PHLPP1: variants seen among roughly 807,000 people sequenced by gnomAD.
The protein encoded by PHLPP1 is PH domain leucine-rich repeat-containing protein phosphatase 1.
A neutral mutation model predicts 117.2 loss-of-function variants in PHLPP1; 42 were observed. The ratio of observed to expected loss-of-function variants is 0.36; its 90% CI spans 0.28 to 0.46. The LOEUF (loss-of-function observed/expected upper bound fraction) is 0.46, where lower values mean the gene tolerates loss of function less well. PHLPP1 is among the 20% of genes least tolerant of loss of function. The pLI, the probability that PHLPP1 is intolerant of heterozygous loss-of-function variation, is 1.00. For missense variants in PHLPP1, 2,084 were observed against 2,241.9 expected (o/e 0.93, Z 1.42); for synonymous variants, 1,042 against 970.7 (o/e 1.07, Z -1.37).
chr18:62,717,581 A>G (rs1004369758), intron 1 of PHLPP1, among the ~76,000 whole-genome samples: 1 of 152,128 alleles, frequency 6.6e-6, no homozygotes, highest in African/African-American at 2.4e-5. Flanking sequence ...CCTCAGGGGC[A>G]TGTTGGGTTT....
intron 1 of PHLPP1, among the ~76,000 whole-genome samples, chr18:62,815,913 T>C (rs1914258936): frequency 6.6e-6 from 1 of 152,236 alleles, no homozygotes; most frequent in African/African-American, 2.4e-5. Context: ...AATTATGACA[T>C]ACCTGTAGTC....
intron 1 of PHLPP1, among the ~76,000 whole-genome samples, chr18:62,745,525 G>A (rs1013904433): frequency 1.3e-5 from 2 of 152,182 alleles, no homozygotes; most frequent in African/African-American, 4.8e-5. Context: ...GCATTTGTGG[G>A]TGGTGAGAAC....
intron 3 of PHLPP1, among the ~76,000 whole-genome samples, chr18:62,858,068 C>T (rs1024412421): frequency 6.6e-6 from 1 of 152,088 alleles, no homozygotes; most frequent in Non-Finnish European, 1.5e-5. Flanking sequence ...TGGTTTGGCC[C>T]TGTTTGGAAG....
chr18:62,723,690 C>G (rs976300552), intron 1 of PHLPP1, among the ~76,000 whole-genome samples: 3 of 152,090 alleles, frequency 2.0e-5, no homozygotes, highest in Admixed American at 1.3e-4. Flanking sequence ...GGGGTTGGGT[C>G]AAAGTCACTC....
At chr18:62,898,560 A>G (rs1362192660) in intron 6 of PHLPP1, among the ~76,000 whole-genome samples, 1 of 152,150 alleles carries the variant, frequency 6.6e-6, no homozygotes, top group East Asian at 1.9e-4. Context: ...GTTTCAGCCC[A>G]CTGGTATGTG....
intron 4 of PHLPP1, among the ~76,000 whole-genome samples, chr18:62,864,038 T>G (rs1372694248): frequency 6.6e-6 from 1 of 152,164 alleles, no homozygotes; most frequent in Non-Finnish European, 1.5e-5. Flanking sequence ...TTTATTTTTT[T>G]GAGACAGAGT....
chr18:62,923,138 A>G (rs1341597121), intron 10 of PHLPP1, among the ~76,000 whole-genome samples: 7 of 152,166 alleles, frequency 4.6e-5, no homozygotes. Context: ...AAATCCCCAT[A>G]CAAATAGACT....
At position 62,812,140 on chromosome 18, in the gene PHLPP1, A is replaced by T. The variant is rs369828639; in HGVS notation, c.1577-17895A>T. ...TGGCTCTTAATCATTGTCTGAAGTC[A>T]TCTTGGCCGAAGTCTGTTTGCAGCA... On this transcript the variant is annotated intron_variant, in intron 1 of 16. Coordinates refer to ENST00000262719, the MANE Select transcript of PHLPP1 (RefSeq NM_194449.4). Among the ~76,000 whole-genome samples, 15 of 152,298 alleles carry T rather than the reference A, an allele frequency of 9.8e-5. No homozygotes were observed. The East Asian group carries it at 2.9e-3, about 29-fold the overall frequency.
intron 1 of PHLPP1, among the ~76,000 whole-genome samples, chr18:62,743,818 A>G (rs938831051): frequency 2.0e-5 from 3 of 151,776 alleles, no homozygotes; most frequent in Admixed American, 6.6e-5. Flanking sequence ...TTGTTGAAAA[A>G]ACCAGGTTAT....
chr18:62,736,584 A>G (rs1476950088), intron 1 of PHLPP1, among the ~76,000 whole-genome samples: 3 of 152,196 alleles, frequency 2.0e-5, no homozygotes, highest in African/African-American at 4.8e-5. Flanking sequence ...TAATTCAGTG[A>G]TCCTTGAGGA....
At chr18:62,896,361 G>A (rs906074322) in intron 6 of PHLPP1, among the ~76,000 whole-genome samples, 1 of 148,504 alleles carries the variant, frequency 6.7e-6, no homozygotes, top group Non-Finnish European at 1.5e-5. Context: ...GCCTGATCTC[G>A]GCTTACTGCA....
At chr18:62,735,930 C>A (rs1349741852) in intron 1 of PHLPP1, among the ~76,000 whole-genome samples, 1 of 151,114 alleles carries the variant, frequency 6.6e-6, no homozygotes. Context: ...CACATGTACC[C>A]TAAAACTTAA....
chr18:62,903,167 G>GTA lies in PHLPP1; in HGVS notation c.2647+3_2647+4dup. The GTA allele has an allele frequency of 6.3e-7, 1 of 1,599,578 alleles. No homozygotes were observed. Among genetic ancestry groups the GTA allele is most frequent in the Non-Finnish European group, 8.6e-7 (1 of 1,168,310 alleles). On this transcript the variant is annotated splice_donor_variant, in intron 7 of 16. Transcript: ENST00000262719. LOFTEE classifies it high-confidence loss of function. ...AAAGCGCTCTATGCCTCTTCTAATGGTATGTATCATAGGCTACATCAAAGT... is the reference window on the plus strand; with the variant it reads ...AAAGCGCTCTATGCCTCTTCTAATGGTATATGTATCATAGGCTACATCAAAGT...
intron 3 of PHLPP1, among the ~76,000 whole-genome samples, chr18:62,842,076 A>G (rs1019535441): frequency 1.3e-5 from 2 of 152,240 alleles, no homozygotes; most frequent in African/African-American, 4.8e-5. Flanking sequence ...ATATGCATAT[A>G]ATAGATTTAT....
At chr18:62,857,205 G>T (rs1482079115) in intron 3 of PHLPP1, among the ~76,000 whole-genome samples, 1 of 152,154 alleles carries the variant, frequency 6.6e-6, no homozygotes, top group Admixed American at 6.5e-5. Context: ...TAAAACAATA[G>T]AAATTTATGA....
At chr18:62,884,442 TAAAAG>T (rs1054039778) in intron 4 of PHLPP1, among the ~76,000 whole-genome samples, 1 of 152,184 alleles carries the variant, frequency 6.6e-6, no homozygotes, top group African/African-American at 2.4e-5. Context: ...ATCTTTCTCT[TAAAAG>T]AAAATACAGT....
chr18:62,772,623 A>G (rs1306721677), intron 1 of PHLPP1, among the ~76,000 whole-genome samples: 1 of 152,078 alleles, frequency 6.6e-6, no homozygotes, highest in Non-Finnish European at 1.5e-5. Flanking sequence ...TGAGGTCAGG[A>G]GTTCAAGGCC....
intron 3 of PHLPP1, among the ~76,000 whole-genome samples, chr18:62,852,472 T>A (rs1396730983): frequency 6.6e-6 from 1 of 152,026 alleles, no homozygotes; most frequent in Non-Finnish European, 1.5e-5. Context: ...GCCTCCCGAG[T>A]AGCTGGGACT....
intron 1 of PHLPP1, among the ~76,000 whole-genome samples, chr18:62,771,300 C>T (rs1248803373): frequency 6.6e-6 from 1 of 151,858 alleles, no homozygotes; most frequent in Non-Finnish European, 1.5e-5. Context: ...CACCATTGTT[C>T]CTGACTTTGA....
Sources: gnomAD v4.1 joint callset for allele counts (sites outside exome capture counted in the v4.1 genomes callset) on GRCh38, gnomAD v4.1.1 for gene constraint, MANE v1.5 for transcripts, NCBI Gene and HGNC (gene_info 2026-07-23, HGNC 2026-07-21) for gene names.